Variants in EML1 observed in about 807,000 individuals in gnomAD.
EML1 encodes the protein EMAP like 1.
EML1 carries 27 observed loss-of-function variants against 110.4 expected under a neutral mutation model. The observed-to-expected ratio is 0.24, with a 90% CI of 0.18 to 0.34. The LOEUF is 0.34. Among genes scored for constraint, EML1 ranks in the 10% least tolerant of loss-of-function variants. The pLI is 1.00. For missense variants in EML1, 741 were observed against 1,030.9 expected (o/e 0.72, Z 3.85); for synonymous variants, 344 against 385.8 (o/e 0.89, Z 1.27).
Position 99,914,671 on chromosome 14 carries a change from C to T in EML1, c.1726C>T (p.Arg576Cys), listed in dbSNP as rs1266665290. Residue 576 changes from arginine to cysteine, a missense_variant, in exon 15 of 22, where the codon CGT (arginine) becomes TGT (cysteine). Around this residue, in one of 4 missense-constraint regions of EML1, gnomAD observed 388 missense variants for 605.6 expected, o/e 0.64. Transcript: ENST00000262233. Reference sequence around the variant, plus strand: ...CACTCTCTGGGACGCTGTGGGTCACCGTCCCGTCTGGGACAAAATAATAGA... The same window carrying T: ...CACTCTCTGGGACGCTGTGGGTCACTGTCCCGTCTGGGACAAAATAATAGA... The part of the protein sequence containing the change: ...HATLWDAVGH[R>C]PVWDKIIEDP... 8 of 1,608,674 alleles carry T rather than the reference C, an allele frequency of 5.0e-6. No individual in the cohort carries two copies. Among genetic ancestry groups the T allele is most frequent in the African/African-American group, 1.3e-5 (1 of 74,678 alleles).
chr14:99,744,886 G>C (rs753587942), intron 1 of EML1, among the ~76,000 whole-genome samples: 1 of 152,226 alleles, frequency 6.6e-6, no homozygotes, highest in Non-Finnish European at 1.5e-5. Flanking sequence ...CGTTTATTCA[G>C]TGTAATCCAC....
At position 99,909,482 on chromosome 14, in the gene EML1, A is replaced by G; in HGVS notation, c.1239+3A>G. On this transcript the variant is annotated splice_donor_region_variant and intron_variant, in intron 11 of 21. Transcript: ENST00000262233. ...ATAAGAAGCAAGGATTATTCGAGGT[A>G]AAGTTAAATTATGATTTTTGCTTTA... 1 of 1,614,132 alleles carries G rather than the reference A, an allele frequency of 6.2e-7. No individual in the cohort carries two copies. The highest frequency in any genetic ancestry group is 8.5e-7 in the Non-Finnish European group (1 of 1,180,034).
intron 1 of EML1, among the ~76,000 whole-genome samples, chr14:99,844,348 G>A (rs1467985552): frequency 1.3e-5 from 2 of 152,072 alleles, no homozygotes; most frequent in Non-Finnish European, 2.9e-5. Flanking sequence ...GCATGGTGGT[G>A]TGTGCCTGTA....
intron 9 of EML1, among the ~76,000 whole-genome samples, chr14:99,906,019 C>A (rs2059839509): frequency 6.6e-6 from 1 of 152,126 alleles, no homozygotes; most frequent in Admixed American, 6.5e-5. Context: ...TGGGGTTCAC[C>A]AGAAAGATGT....
At chr14:99,773,810 T>C (rs2057452460) in exon 1 of EML1, 1 of 152,178 alleles carries the variant, frequency 6.6e-6, no homozygotes, top group South Asian at 2.1e-4. Context: ...CTGAGACTCA[T>C]TAGTGCCTGC....
intron 3 of EML1, among the ~76,000 whole-genome samples, chr14:99,865,963 C>T (rs2059090445): frequency 6.6e-6 from 1 of 152,168 alleles, no homozygotes; most frequent in Admixed American, 6.5e-5. Context: ...GTTCCCAAGT[C>T]CATACTGGGA....
chr14:99,745,509 C>T (rs1422104216), intron 1 of EML1, among the ~76,000 whole-genome samples: 1 of 152,218 alleles, frequency 6.6e-6, no homozygotes, highest in African/African-American at 2.4e-5. Context: ...GAGATAAGAT[C>T]TGGTTTAAAA....
chr14:99,825,011 TC>T (rs2058329113), intron 1 of EML1, among the ~76,000 whole-genome samples: 1 of 152,088 alleles, frequency 6.6e-6, no homozygotes, highest in African/African-American at 2.4e-5. Flanking sequence ...TGAGACAGGA[TC>T]TTGTTCTGTC....
At chr14:99,915,431 AAAAG>A (rs1232937642) in intron 15 of EML1, 1 of 152,078 alleles carries the variant, frequency 6.6e-6, no homozygotes, top group African/African-American at 2.4e-5. Context: ...AAAAAAAAAA[AAAAG>A]TCAACATCTC....
At chr14:99,900,534 G>A (rs1190028863) in intron 8 of EML1, among the ~76,000 whole-genome samples, 1 of 152,110 alleles carries the variant, frequency 6.6e-6, no homozygotes, top group Non-Finnish European at 1.5e-5. Context: ...ATGAATTTAG[G>A]CATGGTGACA....
At chr14:99,819,239 G>A (rs2058220755) in intron 1 of EML1, among the ~76,000 whole-genome samples, 1 of 152,134 alleles carries the variant, frequency 6.6e-6, no homozygotes, top group Non-Finnish European at 1.5e-5. Context: ...ACAGGCATGA[G>A]CCACTGCGCC....
chr14:99,829,667 C>T (rs936755939), intron 1 of EML1, among the ~76,000 whole-genome samples: 2 of 152,188 alleles, frequency 1.3e-5, no homozygotes, highest in African/African-American at 2.4e-5. Context: ...CCACAGTCTG[C>T]TTTCTGTCTC....
At chr14:99,938,038 A>G (rs1449947062) in intron 20 of EML1, 126 bp downstream of exon 20, 11 of 930,938 alleles carry the variant, frequency 1.2e-5, no homozygotes, top group Non-Finnish European at 1.5e-5. Context: ...CGGGAGGCCC[A>G]TGAGACACAC....
chr14:99,820,423 C>T (rs2058242603), intron 1 of EML1, among the ~76,000 whole-genome samples: 1 of 152,154 alleles, frequency 6.6e-6, no homozygotes, highest in Non-Finnish European at 1.5e-5. Context: ...TGCTCAGCAG[C>T]TGGCCTCTTG....
intron 1 of EML1, among the ~76,000 whole-genome samples, chr14:99,778,458 C>T (rs1037556089): frequency 1.1e-4 from 17 of 152,172 alleles, no homozygotes; most frequent in Admixed American, 8.5e-4. Context: ...TTCTTGGTGG[C>T]ATTTCTCCGG....
At position 99,793,517 on chromosome 14, in the gene EML1, C is replaced by G. The variant is rs1319705298; in HGVS notation, c.41C>G (p.Thr14Arg). The G allele has an allele frequency of 9.6e-7, 1 of 1,044,254 alleles. No homozygotes were observed. Among genetic ancestry groups the G allele is most frequent in the South Asian group, 4.1e-5 (1 of 24,580 alleles). 64.7% of individuals were successfully genotyped at this position (1,044,254 alleles called of 1,614,324 possible). A position where few individuals can be genotyped will look rare whatever the true frequency, so the allele number is the denominator to read the frequency against. Residue 14 changes from threonine (T) to arginine (R), a missense_variant, in exon 1 of 22, where the codon ACG becomes AGG. Around this residue, in one of 4 missense-constraint regions of EML1, gnomAD observed 226 missense variants for 255.6 expected, o/e 0.88. Transcript: ENST00000262233. ...GFSSYSSLYD[T>R]SSLLQFCNDD... Reference sequence around the variant, plus strand: ...TCCAGCTACAGCAGCCTGTACGACACGTCCTCGCTGCTCCAGTTCTGCAAC... The same window carrying G: ...TCCAGCTACAGCAGCCTGTACGACAGGTCCTCGCTGCTCCAGTTCTGCAAC...
intron 1 of EML1, among the ~76,000 whole-genome samples, chr14:99,779,375 A>G (rs912561064): frequency 2.0e-5 from 3 of 152,208 alleles, no homozygotes; most frequent in African/African-American, 7.2e-5. Flanking sequence ...GGATGCAATA[A>G]CTTTGACCTA....
intron 1 of EML1, among the ~76,000 whole-genome samples, chr14:99,803,333 G>T (rs2057916436): frequency 6.6e-6 from 1 of 152,218 alleles, no homozygotes; most frequent in African/African-American, 2.4e-5. Flanking sequence ...GTGTATCAAT[G>T]TGTATAGTAT....
intron 9 of EML1, among the ~76,000 whole-genome samples, chr14:99,906,026 A>G (rs373845563): frequency 4.5e-4 from 69 of 152,248 alleles, no homozygotes; most frequent in African/African-American, 1.6e-3. Context: ...CACCAGAAAG[A>G]TGTTACCAGA....
Sources: gnomAD v4.1 joint callset for allele counts (sites outside exome capture counted in the v4.1 genomes callset) on GRCh38, gnomAD v4.1.1 for gene constraint, gnomAD v4.1.1 regional missense constraint, MANE v1.5 for transcripts, NCBI Gene and HGNC (gene_info 2026-07-23, HGNC 2026-07-21) for gene names.